SV2C: variants seen among roughly 807,000 people sequenced by gnomAD.
The protein encoded by SV2C is synaptic vesicle glycoprotein 2C.
In SV2C, 49 loss-of-function variants were observed where a neutral mutation model predicts 79.7. That is an observed-to-expected ratio of 0.61 (90% CI 0.49 to 0.78). The LOEUF (loss-of-function observed/expected upper bound fraction) is 0.78. Among genes scored for constraint, SV2C ranks in the 30% least tolerant of loss-of-function variants. The probability of loss-of-function intolerance (pLI) is 0.00; values close to 1 mark genes in which losing one functional copy is unlikely to be tolerated. For missense variants in SV2C, 833 were observed against 912.9 expected, an observed-to-expected ratio of 0.91 and a Z score of 1.13; for synonymous variants, 334 against 333.2, an observed-to-expected ratio of 1.00 and a Z score of -0.03.
intron 12 of SV2C, among the ~76,000 whole-genome samples, chr5:76,318,310 T>A (rs925328295): frequency 6.6e-6 from 1 of 151,736 alleles, no homozygotes; most frequent in South Asian, 2.1e-4. Flanking sequence ...CCCAGCTACT[T>A]GGGAGGCTGA....
the SV2C span, among the ~76,000 whole-genome samples, chr5:75,996,723 A>G: frequency 3.3e-5 from 5 of 151,872 alleles, no homozygotes; most frequent in Admixed American, 6.6e-5. Flanking sequence ...TGGATTCCTA[A>G]GTATTTTATT....
At chr5:76,285,732 G>C in intron 5 of SV2C, 49 bp from the exon 6 acceptor site, 1 of 1,509,710 alleles carries the variant, frequency 6.6e-7, no homozygotes, top group Non-Finnish European at 9.1e-7. Context: ...AAATCAGGGA[G>C]GGTAAGTGTG....
At chr5:75,874,050 T>A in the SV2C span, among the ~76,000 whole-genome samples, 1 of 152,138 alleles carries the variant, frequency 6.6e-6, no homozygotes, top group Non-Finnish European at 1.5e-5. Context: ...TCCTAATTCA[T>A]TCTATGAGGT....
At chr5:75,962,725 A>G in the SV2C span, among the ~76,000 whole-genome samples, 1 of 152,130 alleles carries the variant, frequency 6.6e-6, no homozygotes, top group Non-Finnish European at 1.5e-5. Context: ...CACCCTGGAC[A>G]TGGGATGTAT....
chr5:76,322,748 C>G (rs868275760), intron 12 of SV2C, among the ~76,000 whole-genome samples: 1 of 152,194 alleles, frequency 6.6e-6, no homozygotes, highest in Admixed American at 6.5e-5. Context: ...CTACAACCAT[C>G]TGATCTTCAA....
intron 12 of SV2C, among the ~76,000 whole-genome samples, chr5:76,302,258 C>A (rs1044267471): frequency 2.0e-5 from 3 of 152,162 alleles, no homozygotes; most frequent in Non-Finnish European, 4.4e-5. Flanking sequence ...TAAGCAACCA[C>A]AAAGAGGTAT....
At chr5:76,000,385 C>A in the SV2C span, among the ~76,000 whole-genome samples, 4 of 152,146 alleles carry the variant, frequency 2.6e-5, no homozygotes, top group Admixed American at 1.3e-4. Flanking sequence ...ATATTCCCCA[C>A]GTGATTTTTC....
chr5:75,910,401 T>C, the SV2C span: 1 of 588,100 alleles, frequency 1.7e-6, no homozygotes, highest in Non-Finnish European at 3.3e-6. Context: ...CTGCTGTAGA[T>C]TTCCTGCAGG....
chr5:76,159,013 C>T (rs1010844238), intron 2 of SV2C, among the ~76,000 whole-genome samples: 1 of 151,826 alleles, frequency 6.6e-6, no homozygotes, highest in Non-Finnish European at 1.5e-5. Context: ...TGTAATGTAC[C>T]GTATCAATAG....
the SV2C span, among the ~76,000 whole-genome samples, chr5:76,054,273 T>C: frequency 2.0e-5 from 3 of 152,178 alleles, no homozygotes; most frequent in Non-Finnish European, 4.4e-5. Flanking sequence ...GTTAGTTTGC[T>C]GAGGGTGATA....
chr5:75,871,826 TATATATATACACACACACACACACAC>T, the SV2C span, among the ~76,000 whole-genome samples: 13,559 of 137,904 alleles, frequency 0.098, 662 homozygotes, highest in African/African-American at 0.15. Context: ...AATATATATA[TATATATATACACACACACACACACAC>T]ACACACGTAT....
chr5:76,014,287 ATCTTTC>A, the SV2C span, among the ~76,000 whole-genome samples: 1,325 of 148,056 alleles, frequency 8.9e-3, 23 homozygotes, highest in African/African-American at 0.032. Context: ...AAAGAAAGAA[ATCTTTC>A]TCTTTGAAAG....
chr5:75,942,889 A>G, the SV2C span, among the ~76,000 whole-genome samples: 1 of 152,158 alleles, frequency 6.6e-6, no homozygotes, highest in Non-Finnish European at 1.5e-5. Context: ...TTGGAGCCAC[A>G]TGCGATAGTG....
chr5:75,893,286 G>C, the SV2C span, among the ~76,000 whole-genome samples: 2 of 151,828 alleles, frequency 1.3e-5, no homozygotes, highest in Non-Finnish European at 2.9e-5. Flanking sequence ...TTTTTTGCTT[G>C]TTGATTTTTT....
the SV2C span, among the ~76,000 whole-genome samples, chr5:76,001,177 TAAG>T: frequency 6.6e-6 from 1 of 152,054 alleles, no homozygotes; most frequent in Non-Finnish European, 1.5e-5. Flanking sequence ...GCTGGGGCCA[TAAG>T]AAGGCCCAGA....
At chr5:76,274,587 A>C (rs1378383671) in intron 4 of SV2C, among the ~76,000 whole-genome samples, 1 of 152,070 alleles carries the variant, frequency 6.6e-6, no homozygotes, top group East Asian at 1.9e-4. Context: ...GTTATATGAT[A>C]TTCCATTGTA....
chr5:76,020,942 AC>A, the SV2C span, among the ~76,000 whole-genome samples: 3 of 152,354 alleles, frequency 2.0e-5, no homozygotes, highest in South Asian at 6.2e-4. Context: ...CCAAACAGGA[AC>A]ACTAACATTG....
intron 1 of SV2C, among the ~76,000 whole-genome samples, chr5:76,089,618 T>A (rs1230826563): frequency 6.6e-6 from 1 of 152,250 alleles, no homozygotes; most frequent in African/African-American, 2.4e-5. Context: ...TCTTCCACAA[T>A]GATTGAACTA....
At chr5:76,260,929 C>T (rs1206821918) in intron 4 of SV2C, among the ~76,000 whole-genome samples, 1 of 148,052 alleles carries the variant, frequency 6.8e-6, no homozygotes, top group Admixed American at 6.7e-5. Context: ...TGTATGGGCT[C>T]TTTTTGGTTC....
Sources: gnomAD v4.1 joint callset for allele counts (sites outside exome capture counted in the v4.1 genomes callset) on GRCh38, gnomAD v4.1.1 for gene constraint, MANE v1.5 for transcripts, NCBI Gene and HGNC (gene_info 2026-07-23, HGNC 2026-07-21) for gene names.